Variants in ATP10B observed in about 807,000 individuals in gnomAD.
ATP10B encodes the protein ATPase phospholipid transporting 10B (putative).
ATP10B carries 122 observed loss-of-function variants against 141.2 expected under a neutral mutation model. That is an observed-to-expected ratio of 0.86 (90% CI 0.75 to 1.00). ATP10B has a LOEUF of 1.00. Ranked by LOEUF, ATP10B falls within the 50% of genes least tolerant of loss-of-function variation. ATP10B has a pLI of 0.00. For synonymous variants in ATP10B, 685 were observed against 692.0 expected, an observed-to-expected ratio of 0.99 and a Z score of 0.16; for missense variants, 1,876 against 1,825.3, an observed-to-expected ratio of 1.03 and a Z score of -0.51.
At chr5:160,821,236 A>G (rs1489715030) in intron 1 of ATP10B, among the ~76,000 whole-genome samples, 1 of 152,154 alleles carries the variant, frequency 6.6e-6, no homozygotes, top group Non-Finnish European at 1.5e-5. Context: ...AATCTGAAAA[A>G]GAAATGTAAC....
chr5:160,670,675 G>A lies in ATP10B; in HGVS notation c.471-8C>T. Reference sequence around the variant, plus strand: ...ACATAGGTCTGCTCTTTTCTTGGGTGAGAGAAAGACAGGGTGTGAGTGAGC... The same window carrying A: ...ACATAGGTCTGCTCTTTTCTTGGGTAAGAGAAAGACAGGGTGTGAGTGAGC... On this transcript the variant is annotated splice_region_variant and splice_polypyrimidine_tract_variant and intron_variant, in intron 6 of 25. Transcript: ENST00000327245. The A allele has an allele frequency of 6.2e-7, 1 of 1,612,106 alleles. No individual in the cohort carries two copies. Among genetic ancestry groups the A allele is most frequent in the Non-Finnish European group, 8.5e-7 (1 of 1,179,158 alleles).
At chr5:160,618,118 T>C in intron 15 of ATP10B, 145 bp from the exon 16 acceptor site, 4 of 674,130 alleles carry the variant, frequency 5.9e-6, no homozygotes, top group Non-Finnish European at 1.0e-5. Context: ...CTGAAGGAGC[T>C]CTCCTGGCTG....
At position 160,620,772 on chromosome 5, in the gene ATP10B, T is replaced by C; in HGVS notation, c.1991A>G (p.Asp664Gly). The change falls in exon 15 of 26, where the codon GAT (aspartate) becomes GGT (glycine). Residue 664 changes from aspartate (D) to glycine (G), a missense_variant. Asp to Gly is a moderately conservative substitution (Grantham distance 94, BLOSUM62 -1). Coordinates refer to ENST00000327245, the MANE Select transcript of ATP10B (RefSeq NM_025153.3). ...NVATTDSDER[D>G]DASVCSGGDS... ...ACCTCCACTGCACACAGATGCATCA[T>C]CTCTCTCATCCGAGTCTGTGGTGGC... The C allele has an allele frequency of 1.2e-6, 2 of 1,614,184 alleles. No individual in the cohort carries two copies. The highest frequency in any genetic ancestry group is 1.7e-6 in the Non-Finnish European group (2 of 1,180,022).
At chr5:160,817,882 A>C (rs1014731247) in intron 1 of ATP10B, among the ~76,000 whole-genome samples, 13 of 152,358 alleles carry the variant, frequency 8.5e-5, no homozygotes, top group Non-Finnish European at 1.9e-4. Flanking sequence ...AAACCTGACA[A>C]AAACAAGAAA....
chr5:160,786,463 G>C (rs530433718), intron 1 of ATP10B, among the ~76,000 whole-genome samples: 1 of 152,156 alleles, frequency 6.6e-6, no homozygotes, highest in Non-Finnish European at 1.5e-5. Flanking sequence ...ATAGAAAACA[G>C]GGCAGTTATC....
the ATP10B span, among the ~76,000 whole-genome samples, chr5:160,918,964 G>A: frequency 9.9e-5 from 15 of 151,182 alleles, no homozygotes; most frequent in African/African-American, 3.7e-4. Context: ...GGTGGCTCAC[G>A]CCTGTAATCC....
At chr5:160,864,378 A>T in the ATP10B span, among the ~76,000 whole-genome samples, 2 of 152,020 alleles carry the variant, frequency 1.3e-5, no homozygotes, top group South Asian at 4.1e-4. Context: ...AAAATCCACC[A>T]TTTCTCTATG....
intron 7 of ATP10B, among the ~76,000 whole-genome samples, chr5:160,658,625 G>A (rs545046161): frequency 7.9e-5 from 12 of 152,166 alleles, no homozygotes; most frequent in Non-Finnish European, 1.3e-4. Flanking sequence ...TACCAGCCAG[G>A]CCAGGCAGTA....
intron 2 of ATP10B, among the ~76,000 whole-genome samples, chr5:160,775,438 A>G (rs1264406055): frequency 6.6e-6 from 1 of 152,158 alleles, no homozygotes; most frequent in Non-Finnish European, 1.5e-5. Flanking sequence ...TTAACCTCTG[A>G]GGATTACTAT....
chr5:160,654,131 T>C lies in ATP10B; in HGVS notation c.676-4875A>G, dbSNP rs909516216. 5.3e-5 allele frequency among the ~76,000 whole-genome samples: 8 copies of C among 150,366 alleles called. No individual in the cohort carries two copies. In the Admixed American group the frequency reaches 5.3e-4, roughly 10 times the overall value. ...ACATATATAAATACGTGTGTGTGTG[T>C]GTATGTATATGTTATAGAGATGGGG... On this transcript the variant is annotated intron_variant, in intron 7 of 25. Transcript: ENST00000327245.
At chr5:160,651,410 A>G (rs1214160344) in intron 7 of ATP10B, among the ~76,000 whole-genome samples, 1 of 152,084 alleles carries the variant, frequency 6.6e-6, no homozygotes, top group African/African-American at 2.4e-5. Flanking sequence ...TCTCCTCTAC[A>G]TTGACTAATC....
At chr5:160,789,179 G>A (rs1771391361) in intron 1 of ATP10B, among the ~76,000 whole-genome samples, 1 of 152,118 alleles carries the variant, frequency 6.6e-6, no homozygotes, top group Admixed American at 6.5e-5. Flanking sequence ...CATGTAGGCT[G>A]GGAATTCAGT....
At chr5:160,662,668 T>C (rs1302759088) in intron 7 of ATP10B, among the ~76,000 whole-genome samples, 2 of 152,256 alleles carry the variant, frequency 1.3e-5, no homozygotes, top group African/African-American at 2.4e-5. Flanking sequence ...AAGACTTAAA[T>C]GTTAGATCTA....
At position 160,685,940 on chromosome 5, in the gene ATP10B, G is replaced by A. The variant is rs115447282; in HGVS notation, c.470+139C>T. On this transcript the variant is annotated intron_variant, in intron 6 of 25. Coordinates refer to ENST00000327245, the MANE Select transcript of ATP10B (RefSeq NM_025153.3). The stretch of plus-strand genomic sequence containing the variant: ...CATTACTAAATGCCCACTAGGGGTC[G>A]AAATCACCCCCCCTTGAGAATCAGT... 143 of 746,764 alleles carry A rather than the reference G, an allele frequency of 1.9e-4. No individual in the cohort carries two copies. The African/African-American group carries it at 2.2e-3, about 12-fold the overall frequency. 46.3% of individuals were successfully genotyped at this position (746,764 alleles called of 1,614,324 possible).
At chr5:160,776,288 T>C (rs1289574129) in intron 2 of ATP10B, among the ~76,000 whole-genome samples, 1 of 152,226 alleles carries the variant, frequency 6.6e-6, no homozygotes, top group East Asian at 1.9e-4. Context: ...CGAGTCCCAG[T>C]TCTGCTACTT....
chr5:160,671,773 A>G (rs1475574866), intron 6 of ATP10B, among the ~76,000 whole-genome samples: 2 of 152,034 alleles, frequency 1.3e-5, no homozygotes, highest in Non-Finnish European at 2.9e-5. Flanking sequence ...ATATTATCAT[A>G]CCCATTTCAC....
At chr5:160,644,896 T>C (rs1395918764) in intron 8 of ATP10B, among the ~76,000 whole-genome samples, 13 of 152,012 alleles carry the variant, frequency 8.6e-5, no homozygotes, top group Non-Finnish European at 8.8e-5. Flanking sequence ...GGCAGGTGGA[T>C]CATGAGGTCA....
At chr5:160,653,936 C>T (rs1761259454) in intron 7 of ATP10B, among the ~76,000 whole-genome samples, 2 of 117,758 alleles carry the variant, frequency 1.7e-5, no homozygotes, top group African/African-American at 3.4e-5. Context: ...GTTGTATATA[C>T]GTATATACAT....
At position 160,732,168 on chromosome 5, in the gene ATP10B, C is replaced by T. The variant is rs927890074; in HGVS notation, c.-330-15134G>A. On this transcript the variant is annotated intron_variant, in intron 2 of 25. Transcript: ENST00000327245. ...TGAATGAAAAGATTAAAAATATCAG[C>T]GAGATGGGGAAAAATGAAAAAGAAC... 8.6e-5 allele frequency among the ~76,000 whole-genome samples: 13 copies of T among 151,952 alleles called. 1 individual carries two copies. The highest frequency in any genetic ancestry group is 3.3e-4 in the Admixed American group (5 of 15,236).
Sources: allele counts gnomAD v4.1 joint callset (sites outside exome capture counted in the v4.1 genomes callset), GRCh38; gene constraint gnomAD v4.1.1; transcripts MANE v1.5; gene names NCBI Gene and HGNC (gene_info 2026-07-23, HGNC 2026-07-21).